NCOA2: variants seen among roughly 807,000 people sequenced by gnomAD.
NCOA2 encodes the protein class E basic helix-loop-helix protein 75.
A neutral mutation model predicts 145.1 loss-of-function variants in NCOA2; 21 were observed. The observed-to-expected ratio is 0.14, with a 90% CI of 0.10 to 0.21. NCOA2 has a LOEUF of 0.21. Among genes scored for constraint, NCOA2 ranks in the 10% least tolerant of loss-of-function variants. The pLI is 1.00. For synonymous variants in NCOA2, 619 were observed against 637.5 expected, an observed-to-expected ratio of 0.97 and a Z score of 0.44; for missense variants, 1,472 against 1,837.6, an observed-to-expected ratio of 0.80 and a Z score of 3.64.
the NCOA2 span, among the ~76,000 whole-genome samples, chr8:70,410,191 C>A: frequency 1.3e-5 from 2 of 151,954 alleles, no homozygotes; most frequent in African/African-American, 4.8e-5. Context: ...GCCTGAGTGA[C>A]AGAGTGAGAT....
the NCOA2 span, among the ~76,000 whole-genome samples, chr8:70,432,877 C>CA: frequency 1.3e-5 from 2 of 151,874 alleles, no homozygotes; most frequent in Non-Finnish European, 2.9e-5. Flanking sequence ...AATATTTTAA[C>CA]AAAAAACAGC....
chr8:70,200,990 C>T (rs972773336), intron 4 of NCOA2, among the ~76,000 whole-genome samples: 7 of 125,458 alleles, frequency 5.6e-5, no homozygotes, highest in Admixed American at 2.1e-4. Context: ...CAAGGGGCTG[C>T]GGTGAGCCAC....
At chr8:70,386,140 A>G (rs1812640680) in intron 1 of NCOA2, among the ~76,000 whole-genome samples, 1 of 152,220 alleles carries the variant, frequency 6.6e-6, no homozygotes, top group Admixed American at 6.5e-5. Context: ...AGGGATCTTC[A>G]AGTACTGTTC....
At chr8:70,121,629 T>G (rs759361367) in intron 21 of NCOA2, among the ~76,000 whole-genome samples, 3 of 152,248 alleles carry the variant, frequency 2.0e-5, no homozygotes, top group African/African-American at 4.8e-5. Context: ...TTTATCTGCA[T>G]GCTGTACAGA....
the NCOA2 span, among the ~76,000 whole-genome samples, chr8:70,456,279 A>C: frequency 1.4e-4 from 22 of 152,292 alleles, no homozygotes; most frequent in African/African-American, 5.3e-4. Context: ...AAAAAGAATA[A>C]GGGCTAAATT....
At chr8:70,279,602 C>T (rs1825726905) in intron 2 of NCOA2, among the ~76,000 whole-genome samples, 1 of 152,234 alleles carries the variant, frequency 6.6e-6, no homozygotes, top group Non-Finnish European at 1.5e-5. Flanking sequence ...AATATCCCTA[C>T]TTCCTCACAG....
intron 1 of NCOA2, among the ~76,000 whole-genome samples, chr8:70,315,032 T>G (rs1805480790): frequency 6.6e-6 from 1 of 152,216 alleles, no homozygotes; most frequent in Non-Finnish European, 1.5e-5. Flanking sequence ...AAAGAAGTTT[T>G]GACGAGCTAA....
the NCOA2 span, among the ~76,000 whole-genome samples, chr8:70,410,578 T>C: frequency 6.6e-6 from 1 of 152,292 alleles, no homozygotes; most frequent in South Asian, 2.1e-4. Flanking sequence ...CAAGCCATTC[T>C]CCTTCCTTGG....
chr8:70,331,070 T>G (rs1427097544), intron 1 of NCOA2, among the ~76,000 whole-genome samples: 1 of 152,156 alleles, frequency 6.6e-6, no homozygotes, highest in Non-Finnish European at 1.5e-5. Flanking sequence ...TTTATTTACA[T>G]CCTGAAATGC....
chr8:70,275,530 A>G (rs1460941525), intron 2 of NCOA2, among the ~76,000 whole-genome samples: 3 of 152,158 alleles, frequency 2.0e-5, no homozygotes, highest in Non-Finnish European at 2.9e-5. Flanking sequence ...AAATTATTTT[A>G]TATGTAGGAA....
chr8:70,156,941 G>C lies in NCOA2; in HGVS notation c.1424C>G (p.Pro475Arg). ...LKMNSPSQSS[P>R]GMNPGQPTSM... Reference sequence around the variant, plus strand: ...GGTGGGCTGTCCTGGATTCATGCCAGGGCTGCTTTGTGAGGGGCTGTTCAT... The same window carrying C: ...GGTGGGCTGTCCTGGATTCATGCCACGGCTGCTTTGTGAGGGGCTGTTCAT... Residue 475 changes from proline to arginine, a missense_variant, in exon 11 of 23, where the codon CCT (proline) becomes CGT (arginine). Pro to Arg is a moderately radical substitution (Grantham distance 103, BLOSUM62 -2). Around this residue, in one of 4 missense-constraint regions of NCOA2, gnomAD observed 953 missense variants for 1,062.1 expected, o/e 0.90. Coordinates refer to ENST00000452400, the MANE Select transcript of NCOA2 (RefSeq NM_006540.4). 3 of 1,614,022 alleles carry C rather than the reference G, an allele frequency of 1.9e-6. No homozygotes were observed. Among genetic ancestry groups the C allele is most frequent in the Non-Finnish European group, 2.5e-6 (3 of 1,179,902 alleles).
intron 1 of NCOA2, among the ~76,000 whole-genome samples, chr8:70,387,244 T>C (rs1812750823): frequency 6.6e-6 from 1 of 152,158 alleles, no homozygotes; most frequent in African/African-American, 2.4e-5. Flanking sequence ...TAACACACTG[T>C]AGCCTCAAAC....
chr8:70,288,967 TCA>T lies in NCOA2; in HGVS notation c.-20+7775_-20+7776del, dbSNP rs200547588. Among the ~76,000 whole-genome samples, 1,018 of 152,330 alleles carry T rather than the reference TCA, an allele frequency of 6.7e-3. 10 individuals are homozygous for T. Among genetic ancestry groups the T allele is most frequent in the Middle Eastern group, 0.024 (7 of 294 alleles). ...AGTTACAAAAAAATCTAAATTCTAC[TCA>T]GTTAATAAAATAAAATCTACTGTTT... On this transcript the variant is annotated intron_variant, in intron 2 of 22. Coordinates refer to ENST00000452400, the MANE Select transcript of NCOA2 (RefSeq NM_006540.4).
intron 11 of NCOA2, among the ~76,000 whole-genome samples, chr8:70,153,526 G>C (rs776656239): frequency 9.2e-5 from 14 of 152,142 alleles, no homozygotes; most frequent in Non-Finnish European, 2.1e-4. Context: ...TTGGGCCTCA[G>C]ATCAGGCCTA....
chr8:70,410,547 C>T, the NCOA2 span, among the ~76,000 whole-genome samples: 1 of 152,242 alleles, frequency 6.6e-6, no homozygotes, highest in Non-Finnish European at 1.5e-5. Flanking sequence ...GTTGCCCAGG[C>T]TGGTCTTGAA....
At chr8:70,210,822 C>T (rs1818940404) in intron 4 of NCOA2, among the ~76,000 whole-genome samples, 1 of 152,128 alleles carries the variant, frequency 6.6e-6, no homozygotes, top group South Asian at 2.1e-4. Flanking sequence ...CTCATGCAAC[C>T]CAGTTTAACT....
At chr8:70,275,624 G>A (rs981312581) in intron 2 of NCOA2, among the ~76,000 whole-genome samples, 34 of 152,086 alleles carry the variant, frequency 2.2e-4, no homozygotes, top group African/African-American at 4.6e-4. Context: ...CAAGCTTAGC[G>A]GAGAAAATAT....
At chr8:70,421,019 C>T in the NCOA2 span, among the ~76,000 whole-genome samples, 1 of 151,962 alleles carries the variant, frequency 6.6e-6, no homozygotes, top group Non-Finnish European at 1.5e-5. Flanking sequence ...AAGAGGTAAA[C>T]TTTGAAAAGG....
upstream of NCOA2, among the ~76,000 whole-genome samples, chr8:70,404,215 A>T (rs1365640477): frequency 1.3e-5 from 2 of 152,178 alleles, no homozygotes; most frequent in Non-Finnish European, 2.9e-5. Flanking sequence ...CCTAGAGGTG[A>T]CTGGAACTGA....
Sources: allele counts gnomAD v4.1 joint callset (sites outside exome capture counted in the v4.1 genomes callset), GRCh38; gene constraint gnomAD v4.1.1; regional missense constraint gnomAD v4.1.1; transcripts MANE v1.5; gene names NCBI Gene and HGNC (gene_info 2026-07-23, HGNC 2026-07-21).